Variants in LARGE1 observed in about 807,000 individuals in gnomAD.
The protein encoded by LARGE1 is xylosyl- and glucuronyltransferase LARGE1.
In LARGE1, 43 loss-of-function variants were observed where a neutral mutation model predicts 87.6. That is an observed-to-expected ratio of 0.49 (90% CI 0.38 to 0.63). The LOEUF (loss-of-function observed/expected upper bound fraction) is 0.63, where lower values mean the gene tolerates loss of function less well. LARGE1 is among the 30% of genes least tolerant of loss of function. The pLI is 0.00. For synonymous variants in LARGE1, 434 were observed against 394.6 expected, an observed-to-expected ratio of 1.10 and a Z score of -1.18; for missense variants, 802 against 1,000.2, an observed-to-expected ratio of 0.80 and a Z score of 2.67.
chr22:33,215,616 C>CT (rs1057469399), intron 11 of LARGE1, among the ~76,000 whole-genome samples: 10 of 152,048 alleles, frequency 6.6e-5, no homozygotes, highest in Non-Finnish European at 1.0e-4. Context: ...TGTGTGTGTG[C>CT]TTTTTTTTCC....
intron 1 of LARGE1, among the ~76,000 whole-genome samples, chr22:33,824,247 A>T (rs76000859): frequency 1.3e-5 from 2 of 152,186 alleles, no homozygotes; most frequent in Non-Finnish European, 2.9e-5. Flanking sequence ...GTAATTTATA[A>T]GCAGAAGAGG....
chr22:33,069,987 G>A, the LARGE1 span, among the ~76,000 whole-genome samples: 7 of 152,164 alleles, frequency 4.6e-5, no homozygotes, highest in East Asian at 5.8e-4. Context: ...ATCGCACACC[G>A]CTAATTTTGT....
At position 33,650,431 on chromosome 22, in the gene LARGE1, C is replaced by T. The variant is rs755087786; in HGVS notation, c.344G>A (p.Arg115Gln). Residue 115 changes from arginine to glutamine, a missense_variant, in exon 3 of 15, where the codon CGG (arginine) becomes CAG (glutamine). By Grantham distance (43) the Arg-to-Gln change is conservative. Transcript: ENST00000397394. ...EEGTGDSENL[R>Q]AGIVAGNSSE... The stretch of plus-strand genomic sequence containing the variant: ...GCTGTTGCCTGCCACGATGCCAGCC[C>T]GAAGGTTCTCGCTGTCTCCAGTGCC... 21 of 1,614,156 alleles carry T rather than the reference C, an allele frequency of 1.3e-5. No homozygotes were observed. Among genetic ancestry groups the T allele is most frequent in the Non-Finnish European group, 1.5e-5 (18 of 1,180,044 alleles).
chr22:33,804,965 G>T (rs1434251949), intron 1 of LARGE1, among the ~76,000 whole-genome samples: 1 of 152,028 alleles, frequency 6.6e-6, no homozygotes, highest in Non-Finnish European at 1.5e-5. Flanking sequence ...ATATTCACTT[G>T]GATATATCGA....
chr22:33,593,718 C>G (rs1569298130), intron 5 of LARGE1, among the ~76,000 whole-genome samples: 1 of 152,138 alleles, frequency 6.6e-6, no homozygotes, highest in Non-Finnish European at 1.5e-5. Flanking sequence ...TAAAATATCT[C>G]AGTAATTCTC....
intron 6 of LARGE1, among the ~76,000 whole-genome samples, chr22:33,465,998 C>G (rs1241835492): frequency 6.6e-6 from 1 of 152,178 alleles, no homozygotes; most frequent in South Asian, 2.1e-4. Context: ...CTCGAAAAGT[C>G]TAGACATAAA....
chr22:33,403,141 A>G (rs1190574630), intron 7 of LARGE1, among the ~76,000 whole-genome samples: 1 of 152,184 alleles, frequency 6.6e-6, no homozygotes, highest in Non-Finnish European at 1.5e-5. Context: ...GCTTTGTGGC[A>G]CCAAACTCTG....
chr22:33,289,151 GT>G (rs1932083348), intron 12 of LARGE1, among the ~76,000 whole-genome samples: 1 of 152,050 alleles, frequency 6.6e-6, no homozygotes, highest in African/African-American at 2.4e-5. Context: ...CTAGAGACAG[GT>G]TTTCACCGTG....
chr22:33,498,753 C>T (rs1323786606), intron 6 of LARGE1, among the ~76,000 whole-genome samples: 4 of 152,076 alleles, frequency 2.6e-5, no homozygotes, highest in Admixed American at 2.0e-4. Flanking sequence ...GGGCGGATCA[C>T]GAGGTCAGGA....
chr22:33,541,540 C>T (rs144795712), intron 6 of LARGE1, among the ~76,000 whole-genome samples: 2 of 152,214 alleles, frequency 1.3e-5, no homozygotes, highest in East Asian at 3.9e-4. Flanking sequence ...TTATTCATGA[C>T]ACACATGTAT....
At chr22:33,615,311 C>T (rs538360459) in intron 4 of LARGE1, among the ~76,000 whole-genome samples, 21 of 151,972 alleles carry the variant, frequency 1.4e-4, no homozygotes, top group African/African-American at 5.1e-4. Context: ...CTCAGTTTGA[C>T]GCAATTACCA....
intron 6 of LARGE1, among the ~76,000 whole-genome samples, chr22:33,529,302 G>A (rs2072077906): frequency 1.3e-5 from 2 of 152,150 alleles, no homozygotes; most frequent in South Asian, 4.1e-4. Context: ...TCCTGCTCAT[G>A]TGTCCCTCAG....
chr22:33,745,746 A>T (rs1478145842), intron 2 of LARGE1, among the ~76,000 whole-genome samples: 1 of 152,188 alleles, frequency 6.6e-6, no homozygotes, highest in Non-Finnish European at 1.5e-5. Context: ...ACAGGATCCC[A>T]GGAGGCAAAG....
intron 1 of LARGE1, among the ~76,000 whole-genome samples, chr22:33,811,652 A>T (rs2086498202): frequency 6.6e-6 from 1 of 152,230 alleles, no homozygotes; most frequent in Admixed American, 6.5e-5. Context: ...AGACCAGGAA[A>T]GAAGGCCAGA....
chr22:33,257,903 C>T (rs779405243), intron 11 of LARGE1, among the ~76,000 whole-genome samples: 6 of 152,098 alleles, frequency 3.9e-5, no homozygotes, highest in Non-Finnish European at 7.3e-5. Flanking sequence ...GAGAGGTAGT[C>T]ATCAAACAAA....
In LARGE1 at chr22:33,776,497, G is replaced by A. The variant is rs536694238; in HGVS notation, c.-82-14939C>T. Among the ~76,000 whole-genome samples the A allele has an allele frequency of 5.3e-5, 8 of 152,248 alleles. No individual in the cohort carries two copies. The South Asian group carries it at 1.7e-3, about 32-fold the overall frequency. On this transcript the variant is annotated intron_variant, in intron 1 of 14. Coordinates refer to ENST00000397394, the MANE Select transcript of LARGE1 (RefSeq NM_133642.5). Reference sequence around the variant, plus strand: ...CAAGGTCAGACTACAGCTTCAAGAAGGCTGGTTTTTATGTTTTTCTTCTGA... The same window carrying A: ...CAAGGTCAGACTACAGCTTCAAGAAAGCTGGTTTTTATGTTTTTCTTCTGA...
chr22:33,331,947 C>T (rs980836234), intron 10 of LARGE1, among the ~76,000 whole-genome samples: 4 of 152,260 alleles, frequency 2.6e-5, no homozygotes, highest in South Asian at 2.1e-4. Context: ...ATGCCCTTCC[C>T]GTGTGCTCTC....
chr22:33,695,311 C>G (rs1309824613), intron 2 of LARGE1, among the ~76,000 whole-genome samples: 1 of 152,080 alleles, frequency 6.6e-6, no homozygotes, highest in African/African-American at 2.4e-5. Flanking sequence ...ACCATGTTGA[C>G]CAGGCTGGTC....
intron 1 of LARGE1, among the ~76,000 whole-genome samples, chr22:33,910,954 C>T (rs922051514): frequency 1.4e-4 from 21 of 152,206 alleles, no homozygotes; most frequent in Admixed American, 1.0e-3. Flanking sequence ...GTCTGAACAG[C>T]TGCGAGTTGA....
Sources: gnomAD v4.1 joint callset for allele counts (sites outside exome capture counted in the v4.1 genomes callset) on GRCh38, gnomAD v4.1.1 for gene constraint, MANE v1.5 for transcripts, NCBI Gene and HGNC (gene_info 2026-07-23, HGNC 2026-07-21) for gene names.